Variants in MMP24 observed in about 807,000 individuals in gnomAD.
MMP24 encodes matrix metalloproteinase-24.
Under a neutral mutation model 62.8 loss-of-function variants are expected in MMP24, and 25 were observed. That is an observed-to-expected ratio of 0.40 (90% CI 0.29 to 0.56). The LOEUF is 0.56. Ranked by LOEUF, MMP24 falls within the 20% of genes least tolerant of loss-of-function variation. MMP24 has a pLI of 0.50. For missense variants in MMP24, 634 were observed against 853.6 expected (o/e 0.74, Z 3.21); for synonymous variants, 319 against 350.5 (o/e 0.91, Z 1.00).
chr20:35,260,160 C>T (rs2060594895), intron 4 of MMP24, among the ~76,000 whole-genome samples: 1 of 152,154 alleles, frequency 6.6e-6, no homozygotes, highest in Admixed American at 6.5e-5. Flanking sequence ...CTCCTCATAC[C>T]TCTGCCTTCA....
chr20:35,262,708 C>T (rs2060610486), intron 4 of MMP24: 1 of 145,638 alleles, frequency 6.9e-6, no homozygotes, highest in Non-Finnish European at 1.5e-5. Flanking sequence ...AGGTCTTTCC[C>T]TTCCCACGAG....
intron 4 of MMP24, among the ~76,000 whole-genome samples, chr20:35,259,162 C>T (rs530524130): frequency 7.2e-5 from 11 of 152,146 alleles, no homozygotes; most frequent in Non-Finnish European, 1.6e-4. Flanking sequence ...ACCTGGGTGA[C>T]AGAGTGAGAT....
intron 1 of MMP24, among the ~76,000 whole-genome samples, chr20:35,239,001 G>A (rs1338367997): frequency 6.6e-6 from 1 of 151,776 alleles, no homozygotes; most frequent in Admixed American, 6.6e-5. Context: ...AGTCTCCAGA[G>A]CAGCTAGGAC....
At chr20:35,235,232 T>C (rs1251432827) in intron 1 of MMP24, among the ~76,000 whole-genome samples, 3 of 152,060 alleles carry the variant, frequency 2.0e-5, no homozygotes, top group African/African-American at 7.2e-5. Context: ...GGCGAAACCC[T>C]ATCTCTACAA....
In MMP24 at chr20:35,230,496, T is replaced by C. The variant is rs574760896; in HGVS notation, c.246+3512T>C. On this transcript the variant is annotated intron_variant, in intron 1 of 8. Coordinates refer to ENST00000246186, the MANE Select transcript of MMP24 (RefSeq NM_006690.4). ...AGTTACATGGATCTGAAATAGGCAC[T>C]CATGGGCATGGGGCTCCAAGCCCCC... Among the ~76,000 whole-genome samples the C allele has an allele frequency of 1.7e-4, 26 of 152,364 alleles. 1 individual carries two copies. In the South Asian group the frequency reaches 5.2e-3, roughly 30 times the overall value.
rs1304524811 is a variant in MMP24 at position 35,226,826 on chromosome 20, C to T, written c.88C>T (p.Arg30Trp). 3.4e-6 allele frequency: 3 copies of T among 894,884 alleles called. No individual in the cohort carries two copies. The highest frequency in any genetic ancestry group is 6.1e-5 in the African/African-American group (2 of 32,944). The allele number at this position is 894,884 out of a possible 1,614,324, so 55.4% of individuals were successfully genotyped here. The change falls in exon 1 of 9, where the codon CGG becomes TGG. Residue 30 changes from arginine (R) to tryptophan (W), a missense_variant. By Grantham distance (101) the Arg-to-Trp change is moderately radical (BLOSUM62 -3). This residue lies in a region of MMP24 where 212 missense variants were observed against 259.6 expected (regional missense o/e 0.82). Coordinates refer to ENST00000246186, the MANE Select transcript of MMP24 (RefSeq NM_006690.4). ...CCAGGCCCCGCGCTGGAGCCGCTGG[C>T]GGGTCCCTGGGCGGCTGCTGCTGCT... is the stretch of plus-strand genomic sequence containing the variant. ...PGQAPRWSRW[R>W]VPGRLLLLLL...
At chr20:35,246,719 A>G in intron 1 of MMP24, 121 bp from the exon 2 acceptor site, 1 of 1,164,090 alleles carries the variant, frequency 8.6e-7, no homozygotes, top group Admixed American at 2.1e-5. Context: ...AAAAGAACTC[A>G]GAGCATGAGT....
At position 35,226,848 on chromosome 20, in the gene MMP24, T is replaced by C; in HGVS notation, c.110T>C (p.Leu37Pro). Residue 37 changes from leucine (L) to proline (P), a missense_variant, in exon 1 of 9, where the codon CTG becomes CCG. By Grantham distance (98) the Leu-to-Pro change is moderately conservative. Around this residue, in one of 3 missense-constraint regions of MMP24, gnomAD observed 212 missense variants for 259.6 expected, o/e 0.82. Transcript: ENST00000246186. ...TGGCGGGTCCCTGGGCGGCTGCTGC[T>C]GCTGCTGCTGCCCGCGCTCTGCTGC... ...SRWRVPGRLL[L>P]LLLPALCCLP... 1 of 977,138 alleles carries C rather than the reference T, an allele frequency of 1.0e-6. No homozygotes were observed. The highest frequency in any genetic ancestry group is 1.2e-4 in the East Asian group (1 of 8,372). The allele number at this position is 977,138 out of a possible 1,614,324, so 60.5% of individuals were successfully genotyped here. A position where few individuals can be genotyped will look rare whatever the true frequency, so the allele number is the denominator to read the frequency against.
chr20:35,234,924 C>A (rs2060455720), intron 1 of MMP24, among the ~76,000 whole-genome samples: 1 of 152,108 alleles, frequency 6.6e-6, no homozygotes, highest in South Asian at 2.1e-4. Flanking sequence ...GAAAACAGGG[C>A]TGGAAAGGTG....
chr20:35,274,815 C>A lies in MMP24; in HGVS notation c.*206C>A. On this transcript the variant is annotated 3_prime_UTR_variant, in exon 9 of 9. Coordinates refer to ENST00000246186, the MANE Select transcript of MMP24 (RefSeq NM_006690.4). This position sits in a 1 kb window ranked among gnomAD's most constrained non-coding sequence, Gnocchi z 5.1. Reference sequence around the variant, plus strand: ...GTGCCCCAGGGTGGGTGTCTGGCACCCAGCTGCCAGCCTTCTGTCCTGGGC... The same window carrying A: ...GTGCCCCAGGGTGGGTGTCTGGCACACAGCTGCCAGCCTTCTGTCCTGGGC... 1 of 591,374 alleles carries A rather than the reference C, an allele frequency of 1.7e-6. No individual in the cohort carries two copies. The allele number at this position is 591,374 out of a possible 1,614,324, so 36.6% of individuals were successfully genotyped here.
chr20:35,242,138 C>T (rs1347612656), intron 1 of MMP24, among the ~76,000 whole-genome samples: 2 of 152,118 alleles, frequency 1.3e-5, no homozygotes, highest in African/African-American at 4.8e-5. Context: ...TCAAGACCAG[C>T]CTGGCCAAAA....
chr20:35,263,800 T>A lies in MMP24; in HGVS notation c.827T>A (p.Leu276His). Reference sequence around the variant, plus strand: ...ACACTCCTCTCCACAGGGAACGACCTCTTCCTGGTGGCTGTGCATGAGCTG... The same window carrying A: ...ACACTCCTCTCCACAGGGAACGACCACTTCCTGGTGGCTGTGCATGAGCTG... ...LGNANHDGNDLFLVAVHELGH... is the reference protein window; with the variant it reads ...LGNANHDGNDHFLVAVHELGH... Residue 276 changes from leucine to histidine, a missense_variant, in exon 5 of 9, where the codon CTC becomes CAC. Leu to His is a moderately conservative substitution (Grantham distance 99). Transcript: ENST00000246186. 1 of 1,575,402 alleles carries A rather than the reference T, an allele frequency of 6.3e-7. No individual in the cohort carries two copies. The highest frequency in any genetic ancestry group is 8.6e-7 in the Non-Finnish European group (1 of 1,160,948).
chr20:35,254,912 G>A (rs751244434), intron 4 of MMP24, among the ~76,000 whole-genome samples, 158 bp downstream of exon 4: 1 of 152,194 alleles, frequency 6.6e-6, no homozygotes, highest in Non-Finnish European at 1.5e-5. Flanking sequence ...AATATTCAAC[G>A]TTCAATCCAC....
chr20:35,264,163 C>T (rs1452469420), intron 5 of MMP24: 1 of 467,170 alleles, frequency 2.1e-6, no homozygotes, highest in Non-Finnish European at 3.7e-6. Flanking sequence ...AGGGGAGGGT[C>T]TGAGCTGTAA....
intron 8 of MMP24, chr20:35,272,173 T>C: frequency 2.3e-6 from 1 of 433,130 alleles, no homozygotes; most frequent in South Asian, 7.4e-5. Context: ...GCATGCATGT[T>C]TCAAAGCCAC....
intron 1 of MMP24, among the ~76,000 whole-genome samples, chr20:35,233,011 C>A (rs574114506): frequency 9.9e-5 from 15 of 152,218 alleles, no homozygotes; most frequent in South Asian, 4.1e-4. Context: ...CCACCTTGGC[C>A]TCCCAAAGGG....
At chr20:35,230,529 A>AC (rs1183550535) in intron 1 of MMP24, among the ~76,000 whole-genome samples, 1 of 152,040 alleles carries the variant, frequency 6.6e-6, no homozygotes, top group Non-Finnish European at 1.5e-5. Flanking sequence ...CCCTTCTAAA[A>AC]CCCTTCTTAG....
At position 35,246,910 on chromosome 20, in the gene MMP24, C is replaced by G; in HGVS notation, c.317C>G (p.Ala106Gly). The G allele has an allele frequency of 6.2e-7, 1 of 1,614,056 alleles. No individual in the cohort carries two copies. Residue 106 changes from alanine (A) to glycine (G), a missense_variant, in exon 2 of 9, where the codon GCC becomes GGC. Transcript: ENST00000246186. Reference protein sequence around the residue: ...SRASALHSAKALQSAVSTMQQ... With the variant: ...SRASALHSAKGLQSAVSTMQQ... ...GCATCTGCGCTGCACTCAGCGAAGG[C>G]CTTGCAGTCGGCAGTCTCCACTATG... is the stretch of plus-strand genomic sequence containing the variant.
chr20:35,231,903 T>C (rs2060439589), intron 1 of MMP24, among the ~76,000 whole-genome samples: 1 of 152,062 alleles, frequency 6.6e-6, no homozygotes, highest in Non-Finnish European at 1.5e-5. Flanking sequence ...AATACAAAAA[T>C]TAGCTGAGCC....
Sources: allele counts gnomAD v4.1 joint callset (sites outside exome capture counted in the v4.1 genomes callset), GRCh38; gene constraint gnomAD v4.1.1; regional missense constraint gnomAD v4.1.1; non-coding constraint Gnocchi (gnomAD v3.1); transcripts MANE v1.5; gene names NCBI Gene and HGNC (gene_info 2026-07-23, HGNC 2026-07-21).